The following C19orf53 variants were observed in gnomAD, a reference collection of about 807,000 sequenced individuals.
C19orf53 encodes leydig cell tumor 10 kDa protein homolog.
Under a neutral mutation model 6.5 loss-of-function variants are expected in C19orf53, and 9 were observed. The observed-to-expected ratio is 1.38, with a 90% CI of 0.83 to 2.40. The LOEUF is 2.40. C19orf53 is among the 30% of genes most tolerant of loss of function. The probability of loss-of-function intolerance (pLI) is 0.00; values close to 1 mark genes in which losing one functional copy is unlikely to be tolerated. For missense variants in C19orf53, 166 were observed against 129.7 expected, an observed-to-expected ratio of 1.28 and a Z score of -1.36; for synonymous variants, 68 against 52.5, an observed-to-expected ratio of 1.29 and a Z score of -1.27.
intron 2 of C19orf53, among the ~76,000 whole-genome samples, chr19:13,777,097 G>A (rs917601584): frequency 2.6e-5 from 4 of 151,748 alleles, no homozygotes; most frequent in African/African-American, 9.7e-5. Flanking sequence ...GATTACAGGC[G>A]CCCGCCACCA....
chr19:13,774,919 T>A (rs1974351556), intron 2 of C19orf53: 2 of 621,864 alleles, frequency 3.2e-6, no homozygotes, highest in Non-Finnish European at 5.4e-6. Flanking sequence ...AGGTGGAAGC[T>A]GGCGAGGGAT....
Position 13,774,707 on chromosome 19 carries a change from G to A in C19orf53, c.153G>A (p.Lys51=). ...TCGTGCAGCAGCAAAAGCTCAAGAA[G>A]GTGTGCGGGGGCGAGAGATGGAGCC... is the stretch of plus-strand genomic sequence containing the variant. The part of the protein sequence containing the change: ...ARVVQQQKLK[K]NLEVGIRKKI... Residue 51 remains lysine, a splice_region_variant and synonymous_variant, in exon 2 of 3, where the codon AAG becomes AAA. Coordinates refer to ENST00000588234, the MANE Select transcript of C19orf53 (RefSeq NM_014047.3). 1 of 1,599,094 alleles carries A rather than the reference G, an allele frequency of 6.3e-7. No individual in the cohort carries two copies. The highest frequency in any genetic ancestry group is 8.6e-7 in the Non-Finnish European group (1 of 1,169,088).
chr19:13,778,225 A>G lies in C19orf53; in HGVS notation c.*27A>G. The G allele has an allele frequency of 6.4e-7, 1 of 1,554,758 alleles. No individual in the cohort carries two copies. ...GACGCTGGCCCCAGTGCAGGCCAAC[A>G]TCCCACCCCCTACCTCCATATGGGA... On this transcript the variant is annotated 3_prime_UTR_variant, in exon 3 of 3. Coordinates refer to ENST00000588234, the MANE Select transcript of C19orf53 (RefSeq NM_014047.3).
In C19orf53 at chr19:13,774,526, A is replaced by G. The variant is rs1974341723; in HGVS notation, c.49A>G (p.Lys17Glu). 6.2e-7 allele frequency: 1 copy of G among 1,613,726 alleles called. No individual in the cohort carries two copies. Among genetic ancestry groups the G allele is most frequent in the African/African-American group, 1.3e-5 (1 of 74,940 alleles). Residue 17 changes from lysine to glutamate, a missense_variant, in exon 1 of 3, where the codon AAG becomes GAG. By Grantham distance (56) the Lys-to-Glu change is moderately conservative (BLOSUM62 1). Transcript: ENST00000588234. ...KFQAHKPAKS[K>E]TAAAASEKNR... The stretch of plus-strand genomic sequence containing the variant: ...TCAGGCGCACAAACCCGCAAAGAGT[A>G]AGACGGCAGCGGCAGCCTCTGAAAA...
chr19:13,776,829 T>C (rs35256301), intron 2 of C19orf53, among the ~76,000 whole-genome samples: 47,837 of 152,178 alleles, frequency 0.31, 8,056 homozygotes, highest in South Asian at 0.45. Flanking sequence ...GTGTAACATA[T>C]TACGCTACTG....
chr19:13,777,813 A>C (rs1191367545), intron 2 of C19orf53, among the ~76,000 whole-genome samples: 1 of 152,196 alleles, frequency 6.6e-6, no homozygotes, highest in Admixed American at 6.5e-5. Flanking sequence ...TTCCCCATCC[A>C]TAAAATGGGC....
At chr19:13,776,770 C>G (rs1974375804) in intron 2 of C19orf53, among the ~76,000 whole-genome samples, 1 of 152,190 alleles carries the variant, frequency 6.6e-6, no homozygotes, top group African/African-American at 2.4e-5. Context: ...CCCATCCCTC[C>G]TCACTCCTGT....
chr19:13,778,171 C>A lies in C19orf53; in HGVS notation c.273C>A (p.Ala91=), dbSNP rs150096940. 1 of 1,609,946 alleles carries A rather than the reference C, an allele frequency of 6.2e-7. No individual in the cohort carries two copies. The highest frequency in any genetic ancestry group is 1.7e-5 in the Admixed American group (1 of 59,454). ...CAGCCAAGAAGAAAGGGGCAGCTGC[C>A]GCCACCTCCTCCAAGACACCTTCCT... The part of the protein sequence containing the change: ...KAPAKKKGAA[A]ATSSKTPS The change falls in exon 3 of 3, where the codon GCC becomes GCA. Residue 91 remains alanine (A), a synonymous_variant. Coordinates refer to ENST00000588234, the MANE Select transcript of C19orf53 (RefSeq NM_014047.3).
rs1023754321 is a variant in C19orf53 at position 13,778,618 on chromosome 19, G to C, written c.*420G>C. Among the ~76,000 whole-genome samples the C allele has an allele frequency of 6.6e-6, 1 of 152,150 alleles. No individual in the cohort carries two copies. Among genetic ancestry groups the C allele is most frequent in the African/African-American group, 2.4e-5 (1 of 41,428 alleles). The stretch of plus-strand genomic sequence containing the variant: ...TACACCTCTGGCCCTGAGCCTGAGA[G>C]CCGGGAAAGAGTCTTTTCTCCATTT... On this transcript the variant is annotated 3_prime_UTR_variant, in exon 3 of 3. Coordinates refer to ENST00000588234, the MANE Select transcript of C19orf53 (RefSeq NM_014047.3).
At chr19:13,777,077 G>A (rs937615567) in intron 2 of C19orf53, among the ~76,000 whole-genome samples, 1 of 151,860 alleles carries the variant, frequency 6.6e-6, no homozygotes, top group Non-Finnish European at 1.5e-5. Context: ...TCAGCCTCTC[G>A]AGTAGCTGGG....
intron 2 of C19orf53, among the ~76,000 whole-genome samples, chr19:13,776,654 A>G (rs938585149): frequency 5.3e-5 from 8 of 151,908 alleles, no homozygotes; most frequent in African/African-American, 1.9e-4. Context: ...CCACCTGAGA[A>G]CTTTTGCACT....
intron 2 of C19orf53, among the ~76,000 whole-genome samples, chr19:13,776,513 C>G (rs1974373399): frequency 6.6e-6 from 1 of 152,162 alleles, no homozygotes; most frequent in African/African-American, 2.4e-5. Flanking sequence ...GGAAAAAGGT[C>G]CAGTCCTCAC....
At position 13,774,648 on chromosome 19, in the gene C19orf53, C is replaced by T. The variant is rs779799737; in HGVS notation, c.98-4C>T. ...CGGCCTCACGTGAGCACATCTTTCC[C>T]CAGGTCGTGTTATCGCTCCCAAGAA... On this transcript the variant is annotated splice_polypyrimidine_tract_variant and splice_region_variant and intron_variant, in intron 1 of 2. Transcript: ENST00000588234. 2 of 1,611,162 alleles carry T rather than the reference C, an allele frequency of 1.2e-6. No homozygotes were observed. Among genetic ancestry groups the T allele is most frequent in the Non-Finnish European group, 1.7e-6 (2 of 1,177,486 alleles).
intron 2 of C19orf53, among the ~76,000 whole-genome samples, chr19:13,776,018 G>A (rs1974367238): frequency 1.3e-5 from 2 of 151,546 alleles, no homozygotes. Context: ...GTGCAGTTGA[G>A]TGATCTTGGC....
intron 1 of C19orf53, 23 bp from the exon 2 acceptor site, chr19:13,774,629 C>G (rs112551731): frequency 6.2e-7 from 1 of 1,612,972 alleles, no homozygotes; most frequent in Non-Finnish European, 8.5e-7. Flanking sequence ...TTCCCGGCCT[C>G]ACGTGAGCAC....
At chr19:13,777,166 G>T (rs1372460830) in intron 2 of C19orf53, among the ~76,000 whole-genome samples, 1 of 151,988 alleles carries the variant, frequency 6.6e-6, no homozygotes, top group East Asian at 1.9e-4. Context: ...TGGCCAGCCT[G>T]GTCTAGAGCT....
At chr19:13,777,937 C>T in intron 2 of C19orf53, 115 bp from the exon 3 acceptor site, 6 of 1,345,740 alleles carry the variant, frequency 4.5e-6, no homozygotes, top group East Asian at 2.4e-5. Context: ...AGGTGCGGTT[C>T]GAGGGGATAG....
rs763146045 is a variant in C19orf53 at position 13,774,485 on chromosome 19, A to T, written c.8A>T (p.Gln3Leu). 6 of 1,606,668 alleles carry T rather than the reference A, an allele frequency of 3.7e-6. No individual in the cohort carries two copies. Among genetic ancestry groups the T allele is most frequent in the Non-Finnish European group, 5.1e-6 (6 of 1,176,842 alleles). MA[Q>L]GQRKFQAHKP... ...TCCGCTGCGTGCCGGACCATGGCGCAGGGGCAGCGCAAGTTTCAGGCGCAC... is the reference window on the plus strand; with the variant it reads ...TCCGCTGCGTGCCGGACCATGGCGCTGGGGCAGCGCAAGTTTCAGGCGCAC... Residue 3 changes from glutamine to leucine, a missense_variant, in exon 1 of 3, where the codon CAG becomes CTG. By Grantham distance (113) the Gln-to-Leu change is moderately radical. Coordinates refer to ENST00000588234, the MANE Select transcript of C19orf53 (RefSeq NM_014047.3).
Position 13,774,907 on chromosome 19 carries a change from A to G in C19orf53, c.153+200A>G, listed in dbSNP as rs1330446703. ...GGAGCCCGGGGCGCAGAGAGGGGTA[A>G]GAGGTGGAAGCTGGCGAGGGATAGG... On this transcript the variant is annotated intron_variant, in intron 2 of 2. Transcript: ENST00000588234. 1.9e-5 allele frequency: 13 copies of G among 686,482 alleles called. No individual in the cohort carries two copies. In the South Asian group the frequency reaches 2.6e-4, roughly 14 times the overall value. 42.5% of individuals were successfully genotyped at this position (686,482 alleles called of 1,614,324 possible).
Sources: allele counts gnomAD v4.1 joint callset (sites outside exome capture counted in the v4.1 genomes callset), GRCh38; gene constraint gnomAD v4.1.1; transcripts MANE v1.5; gene names NCBI Gene and HGNC (gene_info 2026-07-23, HGNC 2026-07-21).